The following HEMK2 variants were observed in gnomAD, a reference collection of about 807,000 sequenced individuals.
The protein encoded by HEMK2 is HemK methyltransferase 2, ETF1 glutamine and histone H4 lysine.
At chr21:28,774,849 TA>T in the HEMK2 span, among the ~76,000 whole-genome samples, 1 of 152,208 alleles carries the variant, frequency 6.6e-6, no homozygotes, top group Non-Finnish European at 1.5e-5. Context: ...AGCATCTTTG[TA>T]ATATTTATTT....
chr21:28,634,785 A>G, the HEMK2 span, among the ~76,000 whole-genome samples: 1 of 152,200 alleles, frequency 6.6e-6, no homozygotes, highest in Non-Finnish European at 1.5e-5. Flanking sequence ...TTATAAGGAT[A>G]AAATTAATTA....
chr21:28,631,750 T>C, the HEMK2 span, among the ~76,000 whole-genome samples: 3 of 151,944 alleles, frequency 2.0e-5, no homozygotes, highest in African/African-American at 7.3e-5. Context: ...ACAAGATATA[T>C]AATCTCCAGT....
chr21:28,750,798 C>T, the HEMK2 span, among the ~76,000 whole-genome samples: 1 of 151,450 alleles, frequency 6.6e-6, no homozygotes, highest in South Asian at 2.1e-4. Flanking sequence ...AACTCTACAA[C>T]CTGGTTCAGT....
chr21:28,824,748 C>T, the HEMK2 span, among the ~76,000 whole-genome samples: 1 of 152,138 alleles, frequency 6.6e-6, no homozygotes, highest in South Asian at 2.1e-4. Flanking sequence ...ATCCACACTC[C>T]ATAATGGACA....
At chr21:28,664,978 C>T in the HEMK2 span, among the ~76,000 whole-genome samples, 1 of 152,066 alleles carries the variant, frequency 6.6e-6, no homozygotes, top group Non-Finnish European at 1.5e-5. Context: ...GCTCCAGTTA[C>T]TTTTAAAGAG....
the HEMK2 span, among the ~76,000 whole-genome samples, chr21:28,801,926 A>T: frequency 1.3e-5 from 2 of 152,202 alleles, no homozygotes; most frequent in Non-Finnish European, 2.9e-5. Context: ...GCTCTCACAC[A>T]TCATTGGTAT....
the HEMK2 span, among the ~76,000 whole-genome samples, chr21:28,883,354 T>C: frequency 1.3e-5 from 2 of 152,184 alleles, no homozygotes; most frequent in African/African-American, 4.8e-5. Flanking sequence ...TTAAAAAGTA[T>C]GGAAAAATGT....
the HEMK2 span, among the ~76,000 whole-genome samples, chr21:28,590,586 A>G: frequency 6.6e-6 from 1 of 152,192 alleles, no homozygotes; most frequent in Non-Finnish European, 1.5e-5. Flanking sequence ...TACATGCAAC[A>G]AGCTGGCTGC....
the HEMK2 span, among the ~76,000 whole-genome samples, chr21:28,859,125 C>T: frequency 6.6e-6 from 1 of 152,128 alleles, no homozygotes; most frequent in Non-Finnish European, 1.5e-5. Flanking sequence ...ATAATATTAT[C>T]TTCATTATTA....
chr21:28,741,320 G>A, the HEMK2 span, among the ~76,000 whole-genome samples: 1 of 152,192 alleles, frequency 6.6e-6, no homozygotes, highest in Non-Finnish European at 1.5e-5. Flanking sequence ...TAAGCATGAA[G>A]TTTTAAAAGG....
the HEMK2 span, among the ~76,000 whole-genome samples, chr21:28,681,818 TA>T: frequency 1.3e-5 from 2 of 152,106 alleles, no homozygotes; most frequent in Non-Finnish European, 2.9e-5. Context: ...CCCTATTTAA[TA>T]AATGGTGCTG....
chr21:28,871,049 T>C, the HEMK2 span, among the ~76,000 whole-genome samples: 1 of 152,232 alleles, frequency 6.6e-6, no homozygotes, highest in African/African-American at 2.4e-5. Context: ...GACAGACAAT[T>C]TGAAATCCTC....
the HEMK2 span, among the ~76,000 whole-genome samples, chr21:28,577,720 A>T: frequency 5.9e-4 from 90 of 152,284 alleles, no homozygotes; most frequent in African/African-American, 2.0e-3. Context: ...TATATTTTTT[A>T]AAAAAGTGAT....
the HEMK2 span, among the ~76,000 whole-genome samples, chr21:28,666,807 A>G: frequency 6.6e-6 from 1 of 152,210 alleles, no homozygotes; most frequent in Non-Finnish European, 1.5e-5. Context: ...TAGAAAATAT[A>G]GTCGTTAGTT....
At chr21:28,596,905 A>G in the HEMK2 span, among the ~76,000 whole-genome samples, 2 of 152,224 alleles carry the variant, frequency 1.3e-5, no homozygotes, top group Admixed American at 6.5e-5. Flanking sequence ...GTAATAATAC[A>G]TAATTAGAAT....
the HEMK2 span, among the ~76,000 whole-genome samples, chr21:28,590,146 T>C: frequency 8.3e-4 from 127 of 152,248 alleles, no homozygotes; most frequent in Non-Finnish European, 1.5e-3. Context: ...TTTTGCTTAT[T>C]CTTTGCTCTT....
the HEMK2 span, among the ~76,000 whole-genome samples, chr21:28,867,212 C>T: frequency 6.6e-6 from 1 of 152,016 alleles, no homozygotes; most frequent in Non-Finnish European, 1.5e-5. Context: ...CAACATTATT[C>T]ATAATAGTGA....
the HEMK2 span, among the ~76,000 whole-genome samples, chr21:28,739,923 G>A: frequency 6.6e-6 from 1 of 152,120 alleles, no homozygotes; most frequent in Non-Finnish European, 1.5e-5. Flanking sequence ...GACCTCTATG[G>A]AGCATGAGAA....
At chr21:28,771,522 C>CCCCA in the HEMK2 span, among the ~76,000 whole-genome samples, 1 of 119,162 alleles carries the variant, frequency 8.4e-6, no homozygotes, top group East Asian at 4.3e-4. Context: ...TGCACCACCC[C>CCCCA]CCCCCGCCAA....
Sources: gnomAD v4.1 joint callset for allele counts (sites outside exome capture counted in the v4.1 genomes callset) on GRCh38, gnomAD v4.1.1 for gene constraint, MANE v1.5 for transcripts, NCBI Gene and HGNC (gene_info 2026-07-23, HGNC 2026-07-21) for gene names.